Variants in MAP7D2 observed in about 807,000 individuals in gnomAD.
MAP7D2 encodes the protein MAP7 domain-containing protein 2.
MAP7D2 carries 33 observed loss-of-function variants against 63.5 expected under a neutral mutation model. The observed-to-expected ratio is 0.52, with a 90% CI of 0.39 to 0.70. The LOEUF (loss-of-function observed/expected upper bound fraction) is 0.70. MAP7D2 is among the 30% of genes least tolerant of loss of function. MAP7D2 has a pLI of 0.00. For missense variants in MAP7D2, 626 were observed against 604.0 expected (o/e 1.04, Z -0.38); for synonymous variants, 224 against 223.7 (o/e 1.00, Z -0.01).
chrX:20,053,026 C>T, intron 4 of MAP7D2, 38 bp from the exon 5 acceptor site: 1 of 1,004,669 alleles, frequency 1.0e-6, no homozygotes, highest in African/African-American at 1.9e-5. Flanking sequence ...GTATTCATCA[C>T]ACTACTGTAG....
intron 12 of MAP7D2, among the ~76,000 whole-genome samples, chrX:20,013,839 T>C (rs73445224): frequency 8.9e-6 from 1 of 112,601 alleles, no homozygotes; most frequent in African/African-American, 3.2e-5. Context: ...AGAAGTTAAC[T>C]AGTACGTATC....
chrX:20,076,578 G>A (rs773351557), intron 1 of MAP7D2, among the ~76,000 whole-genome samples: 5 of 109,890 alleles, frequency 4.6e-5, no homozygotes, highest in Non-Finnish European at 7.6e-5. Context: ...GGCGTGCACC[G>A]TAATCCCAGC....
chrX:20,026,551 G>A (rs1259793815), intron 8 of MAP7D2, among the ~76,000 whole-genome samples: 1 of 111,816 alleles, frequency 8.9e-6, no homozygotes, highest in Admixed American at 9.5e-5. Context: ...AAGTCTTCAA[G>A]GTTCCCCATT....
intron 8 of MAP7D2, among the ~76,000 whole-genome samples, chrX:20,042,164 C>G (rs752184392): frequency 9.0e-6 from 1 of 111,330 alleles, no homozygotes; most frequent in South Asian, 3.8e-4. Flanking sequence ...TCAGGAGGAG[C>G]CCAAGCCCAA....
At chrX:20,044,862 G>A (rs1016695633) in intron 6 of MAP7D2, among the ~76,000 whole-genome samples, 2 of 111,604 alleles carry the variant, frequency 1.8e-5, no homozygotes, top group African/African-American at 6.5e-5. Context: ...TCTGACTGCT[G>A]TGCTTGGAAA....
At chrX:20,075,146 A>G (rs553432411) in intron 1 of MAP7D2, among the ~76,000 whole-genome samples, 1 of 112,217 alleles carries the variant, frequency 8.9e-6, no homozygotes, top group South Asian at 3.7e-4. Context: ...CTAAAAAGTC[A>G]ATTTAATGTA....
At chrX:20,095,818 G>A (rs904342317) in intron 1 of MAP7D2, among the ~76,000 whole-genome samples, 25 of 110,740 alleles carry the variant, frequency 2.3e-4, no homozygotes, top group African/African-American at 6.2e-4. Flanking sequence ...AGAGGCTCAC[G>A]CCTGTAATCT....
chrX:20,109,557 G>A lies in MAP7D2; in HGVS notation c.130+7193C>T, dbSNP rs183913334. Among the ~76,000 whole-genome samples, 423 of 104,176 alleles carry A rather than the reference G, an allele frequency of 4.1e-3. 2 individuals are homozygous for A. The highest frequency in any genetic ancestry group is 6.5e-3 in the Non-Finnish European group (333 of 51,237). The allele number at this position is 104,176 out of a possible 115,157, so 90.5% of individuals were successfully genotyped here. ...AAAAAAAAAAAAGTTTCTCAGCTCC[G>A]AAGTCAAACACACTTGGGTGTGAAG... On this transcript the variant is annotated intron_variant, in intron 1 of 16. Coordinates refer to ENST00000379643, the MANE Select transcript of MAP7D2 (RefSeq NM_001168465.2).
Position 20,016,210 on chromosome X carries a change from C to G in MAP7D2, c.1528G>C (p.Glu510Gln). The change falls in exon 11 of 17, where the codon GAA (glutamate) becomes CAA (glutamine). Residue 510 changes from glutamate (E) to glutamine (Q), a missense_variant. Physicochemically the swap from Glu to Gln is conservative, Grantham distance 29. Transcript: ENST00000379643. ...CCTGCCTTTCTTTTCTCTTCCCCTT[C>G]CTGTTTTTTCTTTTCCTCTTCCTGC... is the stretch of plus-strand genomic sequence containing the variant. ...KRQEEEKKKQ[E>Q]GEEKRKAGEE... 3 of 1,198,436 alleles carry G rather than the reference C, an allele frequency of 2.5e-6. No individual in the cohort carries two copies. The highest frequency in any genetic ancestry group is 3.4e-6 in the Non-Finnish European group (3 of 888,425).
intron 6 of MAP7D2, among the ~76,000 whole-genome samples, chrX:20,048,238 G>A (rs2064851974): frequency 8.9e-6 from 1 of 112,134 alleles, no homozygotes; most frequent in South Asian, 3.7e-4. Flanking sequence ...CTGGGAACCT[G>A]GAATTTGGGT....
chrX:20,108,086 GTTTT>G (rs1225338530), intron 1 of MAP7D2, among the ~76,000 whole-genome samples: 1 of 110,665 alleles, frequency 9.0e-6, no homozygotes, highest in Non-Finnish European at 1.9e-5. Context: ...TCTTTTTTAC[GTTTT>G]TTTTGTTTGT....
rs142073990 is a variant in MAP7D2 at position 20,052,956 on chromosome X, A to G, written c.517T>C (p.Leu173=). 5.0e-6 allele frequency: 6 copies of G among 1,209,120 alleles called. No individual in the cohort carries two copies. The African/African-American group carries it at 8.7e-5, about 18-fold the overall frequency. The change falls in exon 5 of 17, where the codon TTG becomes CTG. Residue 173 remains leucine, a synonymous_variant. Transcript: ENST00000379643. The part of the protein sequence containing the change: ...CDKLSTSTMS[L]PKPTEPPMNK... ...ATGGGAGGCTCCGTTGGCTTTGGCA[A>G]ACTCATAGTTGATGTTGAAAGTTTG...
intron 1 of MAP7D2, among the ~76,000 whole-genome samples, chrX:20,103,587 T>C (rs1274579418): frequency 1.8e-5 from 2 of 112,378 alleles, no homozygotes; most frequent in Admixed American, 1.9e-4. Flanking sequence ...AACTCCTTCC[T>C]CATTCCTGAT....
chrX:20,027,733 G>A (rs936696823), intron 8 of MAP7D2, among the ~76,000 whole-genome samples: 1 of 102,484 alleles, frequency 9.8e-6, no homozygotes, highest in Admixed American at 1.1e-4. Context: ...GAAAGAGAGG[G>A]AGAGAGGGAG....
At chrX:20,044,181 G>T (rs1052941006) in intron 7 of MAP7D2, among the ~76,000 whole-genome samples, 183 bp downstream of exon 7, 3 of 111,854 alleles carry the variant, frequency 2.7e-5, no homozygotes, top group African/African-American at 9.8e-5. Context: ...ACTTAAGAGG[G>T]TGCAAAAAGT....
At chrX:20,009,724 A>C (rs2148113228) in intron 16 of MAP7D2, among the ~76,000 whole-genome samples, 1 of 107,441 alleles carries the variant, frequency 9.3e-6, no homozygotes, top group Admixed American at 1.0e-4. Context: ...AAGGCATGGT[A>C]GCTCATGGCT....
chrX:20,013,524 T>C (rs2073274157), intron 13 of MAP7D2, 45 bp downstream of exon 13: 2 of 1,063,395 alleles, frequency 1.9e-6, no homozygotes, highest in South Asian at 4.1e-5. Context: ...GCTGTTCTTT[T>C]CTACTTAGTA....
chrX:20,094,512 A>G (rs5909351), intron 1 of MAP7D2, among the ~76,000 whole-genome samples: 337 of 7,613 alleles, frequency 0.044, 23 homozygotes, highest in African/African-American at 0.1. Context: ...ATATATATAT[A>G]TATGTATATA....
Position 20,025,177 on chromosome X carries a change from A to C in MAP7D2, c.1280-94T>G, listed in dbSNP as rs1043072857. On this transcript the variant is annotated intron_variant, in intron 9 of 16. Coordinates refer to ENST00000379643, the MANE Select transcript of MAP7D2 (RefSeq NM_001168465.2). The stretch of plus-strand genomic sequence containing the variant: ...GCAGCTGCCAGTTGGAAGTGAAAAA[A>C]AATCCAACCCAGTGTGGTGATGGGA... The C allele has an allele frequency of 4.8e-6, 5 of 1,037,901 alleles. No homozygotes were observed. The Admixed American group carries it at 1.4e-4, about 30-fold the overall frequency. The allele number at this position is 1,037,901 out of a possible 1,213,427, so 85.5% of individuals were successfully genotyped here.
Sources: gnomAD v4.1 joint callset for allele counts (sites outside exome capture counted in the v4.1 genomes callset) on GRCh38, gnomAD v4.1.1 for gene constraint, MANE v1.5 for transcripts, NCBI Gene and HGNC (gene_info 2026-07-23, HGNC 2026-07-21) for gene names.